DMBT1: variants seen among roughly 807,000 people sequenced by gnomAD.
DMBT1 encodes the protein scavenger receptor cysteine-rich domain-containing protein DMBT1.
In DMBT1, 198 loss-of-function variants were observed where a neutral mutation model predicts 252.9. The ratio of observed to expected loss-of-function variants is 0.78; its 90% CI spans 0.70 to 0.88. The LOEUF is 0.88. Among genes scored for constraint, DMBT1 ranks in the 40% least tolerant of loss-of-function variants. DMBT1 has a pLI of 0.00. For synonymous variants in DMBT1, 990 were observed against 942.7 expected, an observed-to-expected ratio of 1.05 and a Z score of -0.92; for missense variants, 2,432 against 2,404.7, an observed-to-expected ratio of 1.01 and a Z score of -0.24.
At chr10:122,619,131 C>T (rs932235256) in intron 41 of DMBT1, among the ~76,000 whole-genome samples, 177 bp from the exon 42 acceptor site, 2 of 152,162 alleles carry the variant, frequency 1.3e-5, no homozygotes, top group Non-Finnish European at 1.5e-5. Context: ...CCAGGATCTG[C>T]CTGCACCCCT....
At chr10:122,574,070 C>T (rs995773343) in intron 6 of DMBT1, among the ~76,000 whole-genome samples, 12 of 152,298 alleles carry the variant, frequency 7.9e-5, no homozygotes, top group East Asian at 3.9e-4. Flanking sequence ...TGTGCTCATC[C>T]GTGGCCAGCC....
At chr10:122,622,228 T>A (rs2098076942) in intron 44 of DMBT1, among the ~76,000 whole-genome samples, 1 of 152,196 alleles carries the variant, frequency 6.6e-6, no homozygotes, top group African/African-American at 2.4e-5. Flanking sequence ...ATTCAGCAGG[T>A]CTGGGTGAAA....
chr10:122,569,036 A>T (rs2097633556), intron 2 of DMBT1, among the ~76,000 whole-genome samples: 1 of 152,176 alleles, frequency 6.6e-6, no homozygotes, highest in Non-Finnish European at 1.5e-5. Flanking sequence ...GTCTTAATTG[A>T]TATTGGAGGG....
In DMBT1 at chr10:122,630,010, C is replaced by A. The variant is rs750225656; in HGVS notation, c.5822+17C>A. On this transcript the variant is annotated intron_variant, in intron 47 of 55. Transcript: ENST00000338354. The stretch of plus-strand genomic sequence containing the variant: ...TAATCTGAAGTAAGTAATGCCTGGT[C>A]ATCTGGTGAGGGGTGAGTTCCTCTG... The A allele has an allele frequency of 6.2e-7, 1 of 1,613,562 alleles. No homozygotes were observed. Among genetic ancestry groups the A allele is most frequent in the Non-Finnish European group, 8.5e-7 (1 of 1,179,706 alleles).
intron 46 of DMBT1, among the ~76,000 whole-genome samples, chr10:122,629,543 T>G (rs908329433): frequency 6.6e-6 from 1 of 152,202 alleles, no homozygotes; most frequent in African/African-American, 2.4e-5. Flanking sequence ...TAGCTGTCAC[T>G]TTGTTGCTTT....
intron 46 of DMBT1, among the ~76,000 whole-genome samples, chr10:122,626,316 G>T (rs1184802307): frequency 6.6e-6 from 1 of 152,054 alleles, no homozygotes; most frequent in Non-Finnish European, 1.5e-5. Context: ...AAATAATAGG[G>T]ATACTTTTCT....
chr10:122,632,034 T>C lies in DMBT1; in HGVS notation c.6367+159T>C, dbSNP rs1055263853. 4.6e-5 allele frequency among the ~76,000 whole-genome samples: 7 copies of C among 152,048 alleles called. No individual in the cohort carries two copies. In the East Asian group the frequency reaches 1.4e-3, roughly 29 times the overall value. ...CCTCCCCTGCCGGCCACCAGGATAGTGTGCCCCTCTCTGTGCTTCAGTGGC... is the reference window on the plus strand; with the variant it reads ...CCTCCCCTGCCGGCCACCAGGATAGCGTGCCCCTCTCTGTGCTTCAGTGGC... On this transcript the variant is annotated intron_variant, in intron 50 of 55. Coordinates refer to ENST00000338354, the MANE Select transcript of DMBT1 (RefSeq NM_001377530.1).
chr10:122,598,500 G>A (rs1045806532), intron 25 of DMBT1, among the ~76,000 whole-genome samples: 28 of 152,166 alleles, frequency 1.8e-4, no homozygotes, highest in Non-Finnish European at 3.8e-4. Context: ...TGTCCTGTGT[G>A]TACCCAGGTT....
chr10:122,593,311 G>T (rs1156902858), intron 20 of DMBT1, among the ~76,000 whole-genome samples: 1 of 148,424 alleles, frequency 6.7e-6, no homozygotes, highest in South Asian at 2.3e-4. Flanking sequence ...GTGCAAGGGA[G>T]TGGGTTGGTT....
In DMBT1 at chr10:122,630,823, C is replaced by G. The variant is rs2098158429; in HGVS notation, c.6026-138C>G. 22 of 953,486 alleles carry G rather than the reference C, an allele frequency of 2.3e-5. No individual in the cohort carries two copies. In the South Asian group the frequency reaches 3.7e-4, roughly 16 times the overall value. 59.1% of individuals were successfully genotyped at this position (953,486 alleles called of 1,614,324 possible). On this transcript the variant is annotated intron_variant, in intron 48 of 55. Coordinates refer to ENST00000338354, the MANE Select transcript of DMBT1 (RefSeq NM_001377530.1). ...CTCTGCATGGAGCGGTCCAGTACCT[C>G]CACCCCAGCTTTTCCACATTTCTAT... is the stretch of plus-strand genomic sequence containing the variant.
chr10:122,577,868 T>A, intron 8 of DMBT1, 28 bp downstream of exon 8: 1 of 1,612,780 alleles, frequency 6.2e-7, no homozygotes, highest in Non-Finnish European at 8.5e-7. Context: ...TTCCTCGGGA[T>A]ACCCCTTCTC....
At chr10:122,628,468 T>C in intron 46 of DMBT1, among the ~76,000 whole-genome samples, 1 of 152,070 alleles carries the variant, frequency 6.6e-6, no homozygotes, top group South Asian at 2.1e-4. Flanking sequence ...AAACCCTGTC[T>C]CTACTAAAAA....
chr10:122,585,401 C>A, intron 15 of DMBT1, 92 bp downstream of exon 15: 1 of 1,460,148 alleles, frequency 6.8e-7, no homozygotes, highest in Non-Finnish European at 9.4e-7. Context: ...TCAAGGTGGG[C>A]CCCTCTGTTT....
chr10:122,618,691 G>A (rs1048406431), intron 41 of DMBT1, among the ~76,000 whole-genome samples: 1 of 152,230 alleles, frequency 6.6e-6, no homozygotes, highest in African/African-American at 2.4e-5. Context: ...GATAGCAGGG[G>A]CAGGGAGGGA....
chr10:122,576,387 G>T lies in DMBT1; in HGVS notation c.284-12G>T. ...TAGGAATGTGCAAGAGAAATTCTGT[G>T]CCTTCCTCTAGGATCTGATTCTGGT... On this transcript the variant is annotated splice_polypyrimidine_tract_variant and intron_variant, in intron 6 of 55. Coordinates refer to ENST00000338354, the MANE Select transcript of DMBT1 (RefSeq NM_001377530.1). The T allele has an allele frequency of 6.2e-7, 1 of 1,612,654 alleles. No individual in the cohort carries two copies. The highest frequency in any genetic ancestry group is 8.5e-7 in the Non-Finnish European group (1 of 1,179,158).
chr10:122,573,352 G>A (rs909726153), intron 5 of DMBT1, among the ~76,000 whole-genome samples: 3 of 152,182 alleles, frequency 2.0e-5, no homozygotes, highest in Non-Finnish European at 2.9e-5. Context: ...ATATTTCAGT[G>A]ATGGTGAATA....
At chr10:122,565,830 G>A (rs1435387188) in intron 1 of DMBT1, 137 bp from the exon 2 acceptor site, 1 of 772,518 alleles carries the variant, frequency 1.3e-6, no homozygotes, top group African/African-American at 1.7e-5. Context: ...TAGCAAGAAC[G>A]TCGGGGACAC....
At chr10:122,599,598 T>G (rs1192404184) in intron 26 of DMBT1, among the ~76,000 whole-genome samples, 2 of 152,032 alleles carry the variant, frequency 1.3e-5, no homozygotes, top group Non-Finnish European at 1.5e-5. Context: ...TTGTGTGAGG[T>G]TGGAGTCCTT....
At chr10:122,628,870 T>C (rs1044588019) in intron 46 of DMBT1, among the ~76,000 whole-genome samples, 13 of 152,086 alleles carry the variant, frequency 8.5e-5, no homozygotes, top group African/African-American at 3.1e-4. Context: ...CAGGGTTTCT[T>C]TTTGGGGTGA....
Sources: allele counts gnomAD v4.1 joint callset (sites outside exome capture counted in the v4.1 genomes callset), GRCh38; gene constraint gnomAD v4.1.1; transcripts MANE v1.5; gene names NCBI Gene and HGNC (gene_info 2026-07-23, HGNC 2026-07-21).